Variants in RBFOX3 observed in about 807,000 individuals in gnomAD.
RBFOX3 encodes RNA binding protein fox-1 homolog 3.
RBFOX3 carries 17 observed loss-of-function variants against 48.7 expected under a neutral mutation model. The observed-to-expected ratio is 0.35, with a 90% CI of 0.24 to 0.52. The LOEUF is 0.52. RBFOX3 is among the 20% of genes least tolerant of loss of function. RBFOX3 has a pLI of 0.94. For missense variants in RBFOX3, 382 were observed against 497.5 expected, an observed-to-expected ratio of 0.77 and a Z score of 2.21; for synonymous variants, 212 against 209.5, an observed-to-expected ratio of 1.01 and a Z score of -0.10.
chr17:79,169,378 G>A (rs8064632), intron 4 of RBFOX3, among the ~76,000 whole-genome samples: 2,584 of 152,224 alleles, frequency 0.017, 62 homozygotes, highest in African/African-American at 0.059. Flanking sequence ...GCGGTGGGCA[G>A]TCCCTCTCCT....
chr17:79,213,706 C>A (rs541859470), intron 4 of RBFOX3, among the ~76,000 whole-genome samples: 6 of 152,232 alleles, frequency 3.9e-5, no homozygotes, highest in Non-Finnish European at 8.8e-5. Context: ...TGTATCCACT[C>A]GGCACCGCCA....
At chr17:79,430,747 G>C (rs572877099) in intron 2 of RBFOX3, among the ~76,000 whole-genome samples, 1 of 152,170 alleles carries the variant, frequency 6.6e-6, no homozygotes, top group Admixed American at 6.5e-5. Flanking sequence ...GTTTTGCCAC[G>C]TTGGCCAGGT....
At chr17:79,557,321 C>T (rs1307033145) in intron 1 of RBFOX3, among the ~76,000 whole-genome samples, 1 of 151,986 alleles carries the variant, frequency 6.6e-6, no homozygotes, top group Non-Finnish European at 1.5e-5. Flanking sequence ...CAGTGTGGCC[C>T]CAGGCCCTGG....
the RBFOX3 span, among the ~76,000 whole-genome samples, chr17:79,646,271 C>T: frequency 2.6e-5 from 4 of 152,060 alleles, no homozygotes; most frequent in African/African-American, 9.7e-5. Context: ...AGGTATTGTT[C>T]AGAAACAGAT....
At chr17:79,293,340 C>G (rs1211805386) in intron 3 of RBFOX3, among the ~76,000 whole-genome samples, 4 of 148,358 alleles carry the variant, frequency 2.7e-5, no homozygotes, top group African/African-American at 9.9e-5. Context: ...CTGCCTCCCT[C>G]CCTTCCTTCC....
rs1239305566 is a variant in RBFOX3 at position 79,311,911 on chromosome 17, G to A, written c.-174-4087C>T. 1.3e-5 allele frequency among the ~76,000 whole-genome samples: 2 copies of A among 152,102 alleles called. No homozygotes were observed. The highest frequency in any genetic ancestry group is 1.9e-4 in the East Asian group (1 of 5,194). On this transcript the variant is annotated intron_variant, in intron 2 of 14. Transcript: ENST00000693108. This position sits in a 1 kb window ranked among gnomAD's most constrained non-coding sequence, Gnocchi z 4.2. Reference sequence around the variant, plus strand: ...CCCTCCTGAATGTAAGGTCAGGCGCGGCTGTGATGAGGACAACCCAGGTGC... The same window carrying A: ...CCCTCCTGAATGTAAGGTCAGGCGCAGCTGTGATGAGGACAACCCAGGTGC...
intron 2 of RBFOX3, among the ~76,000 whole-genome samples, chr17:79,415,067 G>A (rs899519588): frequency 6.6e-6 from 1 of 152,150 alleles, no homozygotes; most frequent in Non-Finnish European, 1.5e-5. Flanking sequence ...CCAATCCCAG[G>A]GCCACCAGGC....
At chr17:79,338,459 T>C (rs2081542417) in intron 2 of RBFOX3, among the ~76,000 whole-genome samples, 1 of 152,174 alleles carries the variant, frequency 6.6e-6, no homozygotes, top group Non-Finnish European at 1.5e-5. Context: ...TTCAGGGTGA[T>C]GCTGGTGAGA....
At chr17:79,342,558 T>C (rs902237794) in intron 2 of RBFOX3, among the ~76,000 whole-genome samples, 2 of 152,200 alleles carry the variant, frequency 1.3e-5, no homozygotes, top group Admixed American at 6.5e-5. Flanking sequence ...ATCCCCTCCC[T>C]GCAAAGCCTA....
chr17:79,130,917 G>C (rs894206459), intron 4 of RBFOX3, among the ~76,000 whole-genome samples: 3 of 152,272 alleles, frequency 2.0e-5, no homozygotes, highest in African/African-American at 7.2e-5. Context: ...CGTGGTGCTA[G>C]GACACGGTGC....
At chr17:79,525,853 C>A (rs2086727717) in intron 1 of RBFOX3, among the ~76,000 whole-genome samples, 1 of 152,200 alleles carries the variant, frequency 6.6e-6, no homozygotes, top group Non-Finnish European at 1.5e-5. Flanking sequence ...TGGAAAAATG[C>A]TGGAATCCCC....
At chr17:79,398,202 G>C (rs2062286817) in intron 2 of RBFOX3, among the ~76,000 whole-genome samples, 1 of 152,134 alleles carries the variant, frequency 6.6e-6, no homozygotes, top group Non-Finnish European at 1.5e-5. Context: ...TGGGCCTCGG[G>C]AGGCTCATTA....
intron 4 of RBFOX3, among the ~76,000 whole-genome samples, chr17:79,191,444 G>C (rs528824403): frequency 6.6e-6 from 1 of 152,222 alleles, no homozygotes; most frequent in Non-Finnish European, 1.5e-5. Context: ...CACTCTGTTC[G>C]TCCCCTGCCC....
chr17:79,096,036 G>A (rs1424281382), intron 12 of RBFOX3, among the ~76,000 whole-genome samples: 1 of 152,212 alleles, frequency 6.6e-6, no homozygotes, highest in Non-Finnish European at 1.5e-5. Context: ...ACACCAGGAA[G>A]GGTCAAGGGT....
intron 1 of RBFOX3, among the ~76,000 whole-genome samples, chr17:79,498,725 C>G (rs1480443504): frequency 6.7e-6 from 1 of 149,664 alleles, no homozygotes; most frequent in East Asian, 2.0e-4. Flanking sequence ...CTTCCACCCA[C>G]CCCATCTACC....
At chr17:79,245,777 A>G (rs551172013) in intron 3 of RBFOX3, among the ~76,000 whole-genome samples, 6 of 151,934 alleles carry the variant, frequency 3.9e-5, no homozygotes, top group African/African-American at 1.4e-4. Flanking sequence ...ACAGATGTAC[A>G]CCACCATGAC....
rs1354594604 is a variant in RBFOX3 at position 79,531,357 on chromosome 17, C to T, written c.-319-48759G>A. On this transcript the variant is annotated intron_variant, in intron 1 of 14. Transcript: ENST00000693108. ...GGCTGCCTGCGTGTGCGGAGGAGGG[C>T]GGCCCAGGCGAGCAGGTGGGCCCAG... Among the ~76,000 whole-genome samples the T allele has an allele frequency of 8.5e-5, 13 of 152,294 alleles. 1 individual carries two copies. Among genetic ancestry groups the T allele is most frequent in the Middle Eastern group, 6.8e-3 (2 of 294 alleles).
chr17:79,171,880 A>G (rs1040089689), intron 4 of RBFOX3, among the ~76,000 whole-genome samples: 1 of 150,984 alleles, frequency 6.6e-6, no homozygotes, highest in Non-Finnish European at 1.5e-5. Flanking sequence ...CATTAGAATT[A>G]CCAACCTTTG....
intron 4 of RBFOX3, among the ~76,000 whole-genome samples, chr17:79,202,010 C>A (rs1237480368): frequency 2.0e-5 from 3 of 152,230 alleles, no homozygotes; most frequent in Non-Finnish European, 2.9e-5. Flanking sequence ...GCCGGCTTCA[C>A]TCACAGCTGT....
Sources: gnomAD v4.1 joint callset for allele counts (sites outside exome capture counted in the v4.1 genomes callset) on GRCh38, gnomAD v4.1.1 for gene constraint, Gnocchi (gnomAD v3.1) non-coding constraint, MANE v1.5 for transcripts, NCBI Gene and HGNC (gene_info 2026-07-23, HGNC 2026-07-21) for gene names.